Variants in DLC1 observed in about 807,000 individuals in gnomAD.
DLC1 encodes the protein DLC1 Rho GTPase activating protein.
DLC1 carries 54 observed loss-of-function variants against 140.3 expected under a neutral mutation model. That is an observed-to-expected ratio of 0.38 (90% CI 0.31 to 0.48). The LOEUF is 0.48. DLC1 is among the 20% of genes least tolerant of loss of function. DLC1 has a pLI of 0.96. For synonymous variants in DLC1, 986 were observed against 728.1 expected (o/e 1.35, Z -5.70); for missense variants, 2,536 against 1,907.0 (o/e 1.33, Z -6.14).
At chr8:13,280,375 G>A (rs1489844935) in intron 5 of DLC1, among the ~76,000 whole-genome samples, 1 of 151,712 alleles carries the variant, frequency 6.6e-6, no homozygotes, top group Admixed American at 6.6e-5. Context: ...GTGATAAAGG[G>A]TTAGTTTCAG....
chr8:13,089,414 C>G (rs931424236), intron 15 of DLC1, among the ~76,000 whole-genome samples: 2 of 152,012 alleles, frequency 1.3e-5, no homozygotes, highest in Middle Eastern at 6.8e-3. Context: ...GTCACAAGGT[C>G]AGGAGTTCGA....
intron 5 of DLC1, among the ~76,000 whole-genome samples, chr8:13,196,994 A>C (rs1186938262): frequency 1.3e-5 from 2 of 152,184 alleles, no homozygotes; most frequent in Non-Finnish European, 2.9e-5. Flanking sequence ...ATGCAAGACA[A>C]AGTACCTGAT....
chr8:13,263,176 T>G (rs1830534301), intron 5 of DLC1, among the ~76,000 whole-genome samples: 1 of 152,192 alleles, frequency 6.6e-6, no homozygotes, highest in East Asian at 1.9e-4. Context: ...AAGGGAATCT[T>G]TGGTCTCCGT....
chr8:13,431,604 A>G (rs150038752), intron 2 of DLC1, among the ~76,000 whole-genome samples: 1 of 151,440 alleles, frequency 6.6e-6, no homozygotes, highest in Non-Finnish European at 1.5e-5. Flanking sequence ...AGATTTCTCA[A>G]TGCCATGGCA....
At chr8:13,134,410 T>A (rs1268621897) in intron 5 of DLC1, among the ~76,000 whole-genome samples, 2 of 152,078 alleles carry the variant, frequency 1.3e-5, no homozygotes, top group Non-Finnish European at 2.9e-5. Context: ...CCTTCCCTCC[T>A]GGAGGTTACT....
chr8:13,481,169 A>G (rs746602333), intron 2 of DLC1, among the ~76,000 whole-genome samples: 2 of 152,198 alleles, frequency 1.3e-5, no homozygotes, highest in Non-Finnish European at 2.9e-5. Flanking sequence ...TCACGCCTGT[A>G]ATCCCAGTAA....
intron 5 of DLC1, among the ~76,000 whole-genome samples, chr8:13,140,730 T>A (rs1044247372): frequency 2.0e-5 from 3 of 152,184 alleles, no homozygotes; most frequent in African/African-American, 4.8e-5. Flanking sequence ...TATTTGTTCT[T>A]TTCAATTATT....
chr8:13,138,811 G>A (rs573215913), intron 5 of DLC1, among the ~76,000 whole-genome samples: 2 of 152,220 alleles, frequency 1.3e-5, no homozygotes, highest in Non-Finnish European at 2.9e-5. Flanking sequence ...CCCAAATGCT[G>A]GAGTGTAGGA....
At chr8:13,448,404 C>A (rs1798890367) in intron 2 of DLC1, among the ~76,000 whole-genome samples, 1 of 150,320 alleles carries the variant, frequency 6.7e-6, no homozygotes, top group African/African-American at 2.5e-5. Flanking sequence ...CGCTCTGTCA[C>A]CCAGGCTGGA....
At chr8:13,410,285 A>G (rs1276940170) in intron 2 of DLC1, among the ~76,000 whole-genome samples, 2 of 152,160 alleles carry the variant, frequency 1.3e-5, no homozygotes, top group African/African-American at 4.8e-5. Context: ...GAGGATAATG[A>G]GGAAACACTG....
At chr8:13,265,912 G>A (rs925133034) in intron 5 of DLC1, among the ~76,000 whole-genome samples, 1 of 152,190 alleles carries the variant, frequency 6.6e-6, no homozygotes, top group East Asian at 1.9e-4. Context: ...AGTGCAAAGG[G>A]CATTTACAAT....
At chr8:13,138,087 T>C (rs1822703049) in intron 5 of DLC1, among the ~76,000 whole-genome samples, 1 of 152,350 alleles carries the variant, frequency 6.6e-6, no homozygotes, top group South Asian at 2.1e-4. Flanking sequence ...TTAGTTATTA[T>C]TGATACTGTC....
chr8:13,479,953 ACACTTC>A (rs1800642871), intron 2 of DLC1, among the ~76,000 whole-genome samples: 2 of 137,356 alleles, frequency 1.5e-5, no homozygotes, highest in East Asian at 2.1e-4. Flanking sequence ...GTAGGCCCAG[ACACTTC>A]AGAGGCTGAC....
chr8:13,348,706 G>A (rs72496273), intron 4 of DLC1, among the ~76,000 whole-genome samples: 11,388 of 152,014 alleles, frequency 0.075, 500 homozygotes, highest in South Asian at 0.094. Context: ...TAGTGAAGAA[G>A]GAAGAAAGAA....
chr8:13,478,730 A>G (rs1236713257), intron 2 of DLC1, among the ~76,000 whole-genome samples: 29 of 152,198 alleles, frequency 1.9e-4, no homozygotes, highest in Admixed American at 1.9e-3. Flanking sequence ...TAATGTTCAA[A>G]TATCTCCCAA....
chr8:13,498,855 C>T lies in DLC1; in HGVS notation c.1023+194G>A, dbSNP rs753370860. ...ACCATTATACACATTATTAGTGAAA[C>T]GGATAGATTATTATTCTTTAATTTT... On this transcript the variant is annotated intron_variant, in intron 2 of 17. Coordinates refer to ENST00000276297, the MANE Select transcript of DLC1 (RefSeq NM_182643.3). The T allele has an allele frequency of 1.3e-4, 76 of 584,540 alleles. No homozygotes were observed. The Middle Eastern group carries it at 1.4e-3, about 11-fold the overall frequency. The allele number at this position is 584,540 out of a possible 1,614,324, so 36.2% of individuals were successfully genotyped here. A position where few individuals can be genotyped will look rare whatever the true frequency, so the allele number is the denominator to read the frequency against.
Position 13,514,666 on chromosome 8 carries a change from T to C in DLC1, c.-190A>G, listed in dbSNP as rs1802526156. The stretch of plus-strand genomic sequence containing the variant: ...CTCAACACTCAGGCTAGGAAAGAAG[T>C]CCGTCCCCGTTAGTTTCTCCAAAAT... On this transcript the variant is annotated 5_prime_UTR_variant, in exon 1 of 18. Transcript: ENST00000276297. 5.0e-6 allele frequency: 2 copies of C among 398,576 alleles called. No individual in the cohort carries two copies. The highest frequency in any genetic ancestry group is 8.8e-6 in the Non-Finnish European group (2 of 226,064). The allele number at this position is 398,576 out of a possible 1,614,324, so 24.7% of individuals were successfully genotyped here. A position where few individuals can be genotyped will look rare whatever the true frequency, so the allele number is the denominator to read the frequency against.
rs1817478868 is a variant in DLC1, at chr8:13,085,544, C to T, written c.*267G>A. 2 of 319,670 alleles carry T rather than the reference C, an allele frequency of 6.3e-6. No homozygotes were observed. Among genetic ancestry groups the T allele is most frequent in the Admixed American group, 8.9e-5 (2 of 22,524 alleles). 19.8% of individuals were successfully genotyped at this position (319,670 alleles called of 1,614,324 possible). ...ATAATGTATTTAAAGAGTTTTGCTT[C>T]TCAGAAGCAATTTGAATAAGAATAC... On this transcript the variant is annotated 3_prime_UTR_variant, in exon 18 of 18. Transcript: ENST00000276297.
At chr8:13,418,133 G>C (rs1838157117) in intron 2 of DLC1, among the ~76,000 whole-genome samples, 1 of 152,084 alleles carries the variant, frequency 6.6e-6, no homozygotes, top group African/African-American at 2.4e-5. Context: ...CAGATGAGTA[G>C]GCTGCGAAAA....
Sources: gnomAD v4.1 joint callset for allele counts (sites outside exome capture counted in the v4.1 genomes callset) on GRCh38, gnomAD v4.1.1 for gene constraint, MANE v1.5 for transcripts, NCBI Gene and HGNC (gene_info 2026-07-23, HGNC 2026-07-21) for gene names.